The following WNT3A variants were observed in gnomAD, a reference collection of about 807,000 sequenced individuals.
The protein encoded by WNT3A is Wnt family member 3A.
A neutral mutation model predicts 37.0 loss-of-function variants in WNT3A; 17 were observed. That is an observed-to-expected ratio of 0.46 (90% CI 0.31 to 0.69). WNT3A has a LOEUF of 0.69. Among genes scored for constraint, WNT3A ranks in the 30% least tolerant of loss-of-function variants. The probability of loss-of-function intolerance (pLI) is 0.05; values close to 1 mark genes in which losing one functional copy is unlikely to be tolerated. For synonymous variants in WNT3A, 187 were observed against 211.0 expected (o/e 0.89, Z 0.99); for missense variants, 411 against 510.2 (o/e 0.81, Z 1.87).
intron 1 of WNT3A, among the ~76,000 whole-genome samples, chr1:228,020,617 C>T (rs967826376): frequency 6.6e-6 from 1 of 152,240 alleles, no homozygotes. Flanking sequence ...ACCCAGGCTG[C>T]ATCAGCACTT....
intron 2 of WNT3A, among the ~76,000 whole-genome samples, chr1:228,029,397 G>C (rs1482777141): frequency 6.6e-6 from 1 of 152,156 alleles, no homozygotes; most frequent in Non-Finnish European, 1.5e-5. Context: ...CAGTCCTGCC[G>C]GCAGAGGCGG....
Position 228,031,236 on chromosome 1 carries a change from G to T in WNT3A, c.313+8328G>T, listed in dbSNP as rs74143618. On this transcript the variant is annotated intron_variant, in intron 2 of 3. Coordinates refer to ENST00000284523, the MANE Select transcript of WNT3A (RefSeq NM_033131.4). The surrounding 1 kb of genome is among the most constrained non-coding windows in gnomAD (Gnocchi z 4.8). ...AGGACGTCCCTGAAGGACAAGTCAG[G>T]GTCCCTGTAGGAGAAGAAACTGGAG... Among the ~76,000 whole-genome samples, 1 of 152,206 alleles carries T rather than the reference G, an allele frequency of 6.6e-6. No homozygotes were observed. Among genetic ancestry groups the T allele is most frequent in the Non-Finnish European group, 1.5e-5 (1 of 68,036 alleles).
chr1:228,026,326 C>T (rs976739420), intron 2 of WNT3A, among the ~76,000 whole-genome samples: 2 of 152,140 alleles, frequency 1.3e-5, no homozygotes, highest in African/African-American at 4.8e-5. Context: ...CTGGCTAGGA[C>T]TTCCAGTGCT....
intron 1 of WNT3A, among the ~76,000 whole-genome samples, chr1:228,011,973 G>A (rs2030384884): frequency 6.6e-6 from 1 of 152,240 alleles, no homozygotes; most frequent in Non-Finnish European, 1.5e-5. Context: ...CCTCCTGCCT[G>A]GTGCTCGCAC....
chr1:228,051,496 C>T (rs2031554844), intron 3 of WNT3A, among the ~76,000 whole-genome samples: 1 of 152,114 alleles, frequency 6.6e-6, no homozygotes, highest in South Asian at 2.1e-4. Context: ...ATACCTTAGA[C>T]TGGATAATTT....
rs747716365 is a variant in WNT3A, at chr1:228,050,643, C to CCT, written c.314-6_314-5dup. On this transcript the variant is annotated splice_polypyrimidine_tract_variant and intron_variant, in intron 2 of 3. Transcript: ENST00000284523. This position sits in a 1 kb window ranked among gnomAD's most constrained non-coding sequence, Gnocchi z 5.0. ...TGAGCCCTGTTAACCCTGCATCTCTCCTCTCTCTACAGCTACCAGGGAGTC... is the reference window on the plus strand; with the variant it reads ...TGAGCCCTGTTAACCCTGCATCTCTCCTCTCTCTCTACAGCTACCAGGGAGTC... The CCT allele has an allele frequency of 6.3e-7, 1 of 1,582,312 alleles. No homozygotes were observed. The highest frequency in any genetic ancestry group is 2.3e-5 in the East Asian group (1 of 44,384).
In WNT3A at chr1:228,008,532, TATTTCCGCGTGCCCC is replaced by T. The variant is rs540548144; in HGVS notation, c.71+1340_71+1354del. 1.9e-4 allele frequency among the ~76,000 whole-genome samples: 29 copies of T among 152,132 alleles called. No homozygotes were observed. In the East Asian group the frequency reaches 5.4e-3, roughly 29 times the overall value. ...CGCTTCGGGGACCCCCGCGCGCCCC[TATTTCCGCGTGCCCC>T]ATTTCCCGTGCGGCACCTGCTGCGC... is the stretch of plus-strand genomic sequence containing the variant. On this transcript the variant is annotated intron_variant, in intron 1 of 3. Transcript: ENST00000284523. This position sits in a 1 kb window ranked among gnomAD's most constrained non-coding sequence, Gnocchi z 4.9.
At chr1:228,055,177 AAAATATATATATATATATAT>A (rs1474848158) in intron 3 of WNT3A, among the ~76,000 whole-genome samples, 1,520 of 41,488 alleles carry the variant, frequency 0.037, 111 homozygotes, top group South Asian at 0.14. Flanking sequence ...AAAAAAAAAA[AAAATATATATATATATATAT>A]ATATATATAT....
At chr1:228,020,356 C>T (rs881398) in intron 1 of WNT3A, among the ~76,000 whole-genome samples, 9,645 of 152,306 alleles carry the variant, frequency 0.063, 672 homozygotes, top group East Asian at 0.18. Flanking sequence ...TTGAAAACCA[C>T]GAGTCCAGCC....
rs2030281101 is a variant in WNT3A, at chr1:228,008,763, C to T, written c.71+1564C>T. On this transcript the variant is annotated intron_variant, in intron 1 of 3. Coordinates refer to ENST00000284523, the MANE Select transcript of WNT3A (RefSeq NM_033131.4). The surrounding 1 kb of genome is among the most constrained non-coding windows in gnomAD (Gnocchi z 4.9). ...TCCTGAGCGCAAAAGGAAGCTCCTT[C>T]GCCCCGCGCCCTTCCCATAAATGTC... Among the ~76,000 whole-genome samples the T allele has an allele frequency of 6.6e-6, 1 of 152,178 alleles. No homozygotes were observed.
chr1:228,013,976 C>T (rs1373577682), intron 1 of WNT3A, among the ~76,000 whole-genome samples: 2 of 152,228 alleles, frequency 1.3e-5, no homozygotes, highest in Non-Finnish European at 2.9e-5. Context: ...GCAGAGACAC[C>T]CACCTGCCCT....
intron 2 of WNT3A, among the ~76,000 whole-genome samples, chr1:228,043,128 C>A (rs1308175454): frequency 1.3e-5 from 2 of 152,158 alleles, no homozygotes; most frequent in Non-Finnish European, 2.9e-5. Flanking sequence ...ATAATTGATA[C>A]TTTGGATGAA....
In WNT3A at chr1:228,059,558, TACTCCTCCCTGGGGGCGGG is replaced by T. The variant is rs921421744; in HGVS notation, c.*109_*127del. On this transcript the variant is annotated 3_prime_UTR_variant, in exon 4 of 4. Coordinates refer to ENST00000284523, the MANE Select transcript of WNT3A (RefSeq NM_033131.4). ...CAGGACTCCCACCTAAACGGGGCAG[TACTCCTCCCTGGGGGCGGG>T]ACTCCTCCCTGGGGGTGGGGCTCCT... 70 of 1,410,750 alleles carry T rather than the reference TACTCCTCCCTGGGGGCGGG, an allele frequency of 5.0e-5. No individual in the cohort carries two copies. In the Middle Eastern group the frequency reaches 2.4e-3, roughly 48 times the overall value. The allele number at this position is 1,410,750 out of a possible 1,614,324, so 87.4% of individuals were successfully genotyped here. A position where few individuals can be genotyped will look rare whatever the true frequency, so the allele number is the denominator to read the frequency against.
Position 228,014,872 on chromosome 1 carries a change from G to A in WNT3A, c.71+7673G>A, listed in dbSNP as rs73110739. Among the ~76,000 whole-genome samples the A allele has an allele frequency of 6.2e-3, 950 of 152,354 alleles. 7 individuals are homozygous for A. The highest frequency in any genetic ancestry group is 0.021 in the African/African-American group (855 of 41,588). Reference sequence around the variant, plus strand: ...GAAGAAAAACCATTAGTGCTTGTGGGCTGGAGGCATGGCTGCTGTGACTTT... The same window carrying A: ...GAAGAAAAACCATTAGTGCTTGTGGACTGGAGGCATGGCTGCTGTGACTTT... On this transcript the variant is annotated intron_variant, in intron 1 of 3. Transcript: ENST00000284523.
chr1:228,013,874 C>T (rs2030449107), intron 1 of WNT3A, among the ~76,000 whole-genome samples: 1 of 152,204 alleles, frequency 6.6e-6, no homozygotes, highest in East Asian at 1.9e-4. Flanking sequence ...TGGAGTGGCC[C>T]TGATCTTAAG....
At chr1:228,051,292 G>C (rs2031548941) in intron 3 of WNT3A, among the ~76,000 whole-genome samples, 1 of 152,122 alleles carries the variant, frequency 6.6e-6, no homozygotes, top group Non-Finnish European at 1.5e-5. Context: ...AGGACAGCTG[G>C]CAGTAATTTA....
intron 2 of WNT3A, among the ~76,000 whole-genome samples, chr1:228,023,800 G>A (rs2030790474): frequency 6.6e-6 from 1 of 152,174 alleles, no homozygotes; most frequent in Non-Finnish European, 1.5e-5. Flanking sequence ...AAGGAAATCT[G>A]TGCGCATTAA....
intron 2 of WNT3A, among the ~76,000 whole-genome samples, chr1:228,045,765 A>G (rs1022662041): frequency 6.6e-6 from 1 of 152,070 alleles, no homozygotes; most frequent in Admixed American, 6.5e-5. Context: ...GAAACAGCGG[A>G]GGTTGCATGA....
chr1:228,051,103 C>T (rs577497026), intron 3 of WNT3A, among the ~76,000 whole-genome samples, 182 bp downstream of exon 3: 27 of 152,256 alleles, frequency 1.8e-4, no homozygotes, highest in African/African-American at 6.5e-4. Context: ...GCATCCAGTG[C>T]GCTCCTGGGG....
Sources: gnomAD v4.1 joint callset for allele counts (sites outside exome capture counted in the v4.1 genomes callset) on GRCh38, gnomAD v4.1.1 for gene constraint, Gnocchi (gnomAD v3.1) non-coding constraint, MANE v1.5 for transcripts, NCBI Gene and HGNC (gene_info 2026-07-23, HGNC 2026-07-21) for gene names.